The following NUF2 variants were observed in gnomAD, a reference collection of about 807,000 sequenced individuals.
The protein encoded by NUF2 is NUF2 component of NDC80 kinetochore complex.
Under a neutral mutation model 61.8 loss-of-function variants are expected in NUF2, and 34 were observed. The ratio of observed to expected loss-of-function variants is 0.55; its 90% CI spans 0.42 to 0.73. The LOEUF (loss-of-function observed/expected upper bound fraction) is 0.73. Ranked by LOEUF, NUF2 falls within the 30% of genes least tolerant of loss-of-function variation. The pLI, the probability that NUF2 is intolerant of heterozygous loss-of-function variation, is 0.00. For missense variants in NUF2, 445 were observed against 539.1 expected (o/e 0.83, Z 1.73); for synonymous variants, 172 against 181.6 (o/e 0.95, Z 0.42).
chr1:163,327,224 G>T (rs184651969), intron 2 of NUF2, among the ~76,000 whole-genome samples: 1 of 151,972 alleles, frequency 6.6e-6, no homozygotes, highest in Non-Finnish European at 1.5e-5. Flanking sequence ...TTCCTAAGGT[G>T]GATGGGTTGC....
At position 163,325,887 on chromosome 1, in the gene NUF2, T is replaced by C. The variant is rs561113091; in HGVS notation, c.-20-145T>C. 183 of 515,678 alleles carry C rather than the reference T, an allele frequency of 3.5e-4. 2 individuals are homozygous for C. Among genetic ancestry groups the C allele is most frequent in the Middle Eastern group, 2.7e-3 (5 of 1,840 alleles). 31.9% of individuals were successfully genotyped at this position (515,678 alleles called of 1,614,324 possible). A position where few individuals can be genotyped will look rare whatever the true frequency, so the allele number is the denominator to read the frequency against. ...TTTAGGATACATATATAAATACTTG[T>C]ATTTATCTTACTAAGATATTTGATG... On this transcript the variant is annotated intron_variant, in intron 1 of 13. Coordinates refer to ENST00000271452, the MANE Select transcript of NUF2 (RefSeq NM_145697.3).
chr1:163,350,250 T>G (rs1001787195), intron 13 of NUF2, among the ~76,000 whole-genome samples: 3 of 150,164 alleles, frequency 2.0e-5, no homozygotes, highest in African/African-American at 7.4e-5. Flanking sequence ...TGCAGTGAGC[T>G]GAGATCGCAC....
chr1:163,342,493 C>G (rs1051151181), intron 9 of NUF2, among the ~76,000 whole-genome samples: 3 of 152,072 alleles, frequency 2.0e-5, no homozygotes, highest in African/African-American at 4.8e-5. Context: ...ACAAAATATA[C>G]AGAAATTACA....
At chr1:163,335,587 GTTC>G (rs1650730755) in intron 5 of NUF2, among the ~76,000 whole-genome samples, 1 of 151,032 alleles carries the variant, frequency 6.6e-6, no homozygotes, top group Non-Finnish European at 1.5e-5. Context: ...TTGTTTTTCT[GTTC>G]TTTCTTCCCT....
chr1:163,326,249 A>T (rs560280674), intron 2 of NUF2, 75 bp downstream of exon 2: 2 of 1,421,110 alleles, frequency 1.4e-6, no homozygotes, highest in East Asian at 2.3e-5. Flanking sequence ...ATTGTGTGGC[A>T]AGAAAGGGAT....
intron 11 of NUF2, 80 bp downstream of exon 11, chr1:163,345,898 T>G: frequency 1.9e-6 from 2 of 1,035,866 alleles, no homozygotes; most frequent in South Asian, 1.8e-5. Context: ...TCACTTTTTG[T>G]TATGTTTTCC....
chr1:163,347,358 AACT>A (rs1264692453), intron 11 of NUF2, among the ~76,000 whole-genome samples: 1 of 152,228 alleles, frequency 6.6e-6, no homozygotes, highest in African/African-American at 2.4e-5. Context: ...ATTCTTTCCC[AACT>A]ACATAGTCCC....
At chr1:163,332,578 G>C (rs1557948567) in intron 5 of NUF2, among the ~76,000 whole-genome samples, 1 of 152,116 alleles carries the variant, frequency 6.6e-6, no homozygotes, top group Admixed American at 6.6e-5. Flanking sequence ...GAGAGAGTCA[G>C]TTTCTTTGCC....
In NUF2 at chr1:163,336,785, T is replaced by A; in HGVS notation, c.372T>A (p.Ile124=). 1 of 1,613,048 alleles carries A rather than the reference T, an allele frequency of 6.2e-7. No individual in the cohort carries two copies. Among genetic ancestry groups the A allele is most frequent in the Non-Finnish European group, 8.5e-7 (1 of 1,179,268 alleles). Residue 124 remains isoleucine (I), a synonymous_variant, in exon 6 of 14, where the codon ATT becomes ATA. Coordinates refer to ENST00000271452, the MANE Select transcript of NUF2 (RefSeq NM_145697.3). The part of the protein sequence containing the change: ...AKRTSRFLSG[I]INFIHFREAC... Reference sequence around the variant, plus strand: ...GGACAAGTCGGTTTTTAAGTGGCATTATCAACTTTATTCACTTCAGAGAAG... The same window carrying A: ...GGACAAGTCGGTTTTTAAGTGGCATAATCAACTTTATTCACTTCAGAGAAG...
In NUF2 at chr1:163,324,952, A is replaced by AGTG. The variant is rs1406564496; in HGVS notation, c.-20-1076_-20-1074dup. Among the ~76,000 whole-genome samples, 3 of 141,780 alleles carry AGTG rather than the reference A, an allele frequency of 2.1e-5. No individual in the cohort carries two copies. The East Asian group carries it at 6.2e-4, about 29-fold the overall frequency. 93.0% of individuals were successfully genotyped at this position (141,780 alleles called of 152,430 possible). On this transcript the variant is annotated intron_variant, in intron 1 of 13. Coordinates refer to ENST00000271452, the MANE Select transcript of NUF2 (RefSeq NM_145697.3). ...GTCTCTGTCACCCAGGCTGGAGTGCAGTGGTGCGATCTCAGTTCATTGCAA... is the reference window on the plus strand; with the variant it reads ...GTCTCTGTCACCCAGGCTGGAGTGCAGTGGTGGTGCGATCTCAGTTCATTGCAA...
At position 163,343,902 on chromosome 1, in the gene NUF2, A is replaced by C. The variant is rs554455645; in HGVS notation, c.807+32A>C. On this transcript the variant is annotated intron_variant, in intron 10 of 13. Coordinates refer to ENST00000271452, the MANE Select transcript of NUF2 (RefSeq NM_145697.3). ...TTTCTTTTTATTTTAATGCTTTTGT[A>C]TCTAAAAAAAAAAATTAGCAAATTC... is the stretch of plus-strand genomic sequence containing the variant. The C allele has an allele frequency of 3.8e-6, 5 of 1,324,826 alleles. No homozygotes were observed. The African/African-American group carries it at 6.1e-5, about 16-fold the overall frequency. The allele number at this position is 1,324,826 out of a possible 1,614,324, so 82.1% of individuals were successfully genotyped here. A position where few individuals can be genotyped will look rare whatever the true frequency, so the allele number is the denominator to read the frequency against.
intron 9 of NUF2, 151 bp downstream of exon 9, chr1:163,340,577 A>G (rs1204497884): frequency 5.4e-6 from 3 of 556,212 alleles, no homozygotes; most frequent in Non-Finnish European, 9.3e-6. Flanking sequence ...ATAGATGACT[A>G]TTGTTTTAAA....
intron 5 of NUF2, among the ~76,000 whole-genome samples, chr1:163,336,240 T>C (rs1207166763): frequency 1.3e-5 from 2 of 152,194 alleles, no homozygotes; most frequent in African/African-American, 4.8e-5. Flanking sequence ...TACAGCTTCC[T>C]CATCTTAATA....
intron 2 of NUF2, among the ~76,000 whole-genome samples, 188 bp from the exon 3 acceptor site, chr1:163,327,300 T>C (rs1650457444): frequency 6.6e-6 from 1 of 152,140 alleles, no homozygotes; most frequent in Non-Finnish European, 1.5e-5. Context: ...CACTTATATA[T>C]GAGCAAACTA....
At position 163,349,015 on chromosome 1, in the gene NUF2, C is replaced by CA. The variant is rs1557956181; in HGVS notation, c.1201dup (p.Ile401AsnfsTer2). On this transcript the variant is annotated frameshift_variant, in exon 13 of 14. Coordinates refer to ENST00000271452, the MANE Select transcript of NUF2 (RefSeq NM_145697.3). LOFTEE classifies it high-confidence loss of function. ...AGTAACCACAATTAATCAAGAAATC[C>CA]AAAAAATTAAACTTGGAATTCAACA... The CA allele has an allele frequency of 6.2e-7, 1 of 1,611,406 alleles. No individual in the cohort carries two copies. Among genetic ancestry groups the CA allele is most frequent in the Non-Finnish European group, 8.5e-7 (1 of 1,179,170 alleles).
chr1:163,348,080 A>G (rs1171175167), intron 12 of NUF2, 142 bp downstream of exon 12: 7 of 541,084 alleles, frequency 1.3e-5, no homozygotes, highest in Non-Finnish European at 2.2e-5. Flanking sequence ...GTTGACTAAA[A>G]CAGATGAGTT....
At chr1:163,345,601 G>A in intron 10 of NUF2, 77 bp from the exon 11 acceptor site, 1 of 1,322,214 alleles carries the variant, frequency 7.6e-7, no homozygotes, top group Non-Finnish European at 1.1e-6. Flanking sequence ...AATTATTTAA[G>A]AGCAAACAAA....
rs755065361 is a variant in NUF2, at chr1:163,326,181, G to T, written c.123+7G>T. On this transcript the variant is annotated splice_region_variant and intron_variant, in intron 2 of 13. Coordinates refer to ENST00000271452, the MANE Select transcript of NUF2 (RefSeq NM_145697.3). The stretch of plus-strand genomic sequence containing the variant: ...TCTTTATCCAAATCCAAAGGTAAAA[G>T]GTGGTTACGTTTGCATGTGGATAAT... The T allele has an allele frequency of 2.5e-6, 4 of 1,611,542 alleles. No homozygotes were observed. Among genetic ancestry groups the T allele is most frequent in the Non-Finnish European group, 2.5e-6 (3 of 1,178,544 alleles).
intron 1 of NUF2, among the ~76,000 whole-genome samples, chr1:163,325,203 T>C (rs565348396): frequency 6.6e-6 from 1 of 152,316 alleles, no homozygotes; most frequent in South Asian, 2.1e-4. Context: ...TCAGCATTTA[T>C]TGACCTTTTG....
Sources: allele counts gnomAD v4.1 joint callset (sites outside exome capture counted in the v4.1 genomes callset), GRCh38; gene constraint gnomAD v4.1.1; transcripts MANE v1.5; gene names NCBI Gene and HGNC (gene_info 2026-07-23, HGNC 2026-07-21).